Variants in ABR observed in about 807,000 individuals in gnomAD.
ABR encodes the protein ABR activator of RhoGEF and GTPase, also known as active breakpoint cluster region-related protein.
A neutral mutation model predicts 107.2 loss-of-function variants in ABR; 35 were observed. That is an observed-to-expected ratio of 0.33 (90% CI 0.25 to 0.43). The LOEUF is 0.43. ABR is among the 20% of genes least tolerant of loss of function. The probability of loss-of-function intolerance (pLI) is 1.00; values close to 1 mark genes in which losing one functional copy is unlikely to be tolerated. For synonymous variants in ABR, 498 were observed against 462.0 expected (o/e 1.08, Z -1.00); for missense variants, 815 against 1,115.2 (o/e 0.73, Z 3.83).
chr17:1,054,563 AGAACCTGAG>A (rs2033012127), intron 14 of ABR, among the ~76,000 whole-genome samples: 1 of 21,474 alleles, frequency 4.7e-5, no homozygotes, highest in African/African-American at 1.9e-4. Flanking sequence ...GGGGGCACAA[AGAACCTGAG>A]GGGATGGGGG....
chr17:1,109,508 C>A lies in ABR; in HGVS notation c.247-8773G>T, dbSNP rs953617964. ...GCGGGGCCGCGGCTGGCGGAGGCTT[C>A]TGCGGCGGAGGAGGAGCGAGGAGGC... On this transcript the variant is annotated intron_variant, in intron 2 of 22. Transcript: ENST00000302538. Among the ~76,000 whole-genome samples the A allele has an allele frequency of 4.0e-5, 6 of 151,850 alleles. 1 individual carries two copies. Among genetic ancestry groups the A allele is most frequent in the African/African-American group, 1.4e-4 (6 of 41,434 alleles).
intron 16 of ABR, among the ~76,000 whole-genome samples, chr17:1,045,121 G>A (rs16957605): frequency 0.07 from 10,630 of 152,284 alleles, 454 homozygotes; most frequent in Non-Finnish European, 0.098. Context: ...TGGCTGCTTC[G>A]GAGGAGCCGG....
Position 1,067,361 on chromosome 17 carries a change from A to T in ABR, c.1017-119T>A, listed in dbSNP as rs2262155. 100 of 991,130 alleles carry T rather than the reference A, an allele frequency of 1.0e-4. 1 individual carries two copies. In the South Asian group the frequency reaches 1.5e-3, roughly 15 times the overall value. 61.4% of individuals were successfully genotyped at this position (991,130 alleles called of 1,614,324 possible). A position where few individuals can be genotyped will look rare whatever the true frequency, so the allele number is the denominator to read the frequency against. ...GTTGACTGAGAACTCGCCAGAAGCAAGAACGATCCCTGCTCCTGAGGAGCC... is the reference window on the plus strand; with the variant it reads ...GTTGACTGAGAACTCGCCAGAAGCATGAACGATCCCTGCTCCTGAGGAGCC... On this transcript the variant is annotated intron_variant, in intron 9 of 22. Coordinates refer to ENST00000302538, the MANE Select transcript of ABR (RefSeq NM_021962.5).
intron 1 of ABR, among the ~76,000 whole-genome samples, chr17:1,204,959 A>T (rs368958173): frequency 7.8e-5 from 10 of 127,438 alleles, no homozygotes; most frequent in Admixed American, 7.2e-4. Flanking sequence ...GCTGGAGTGC[A>T]AGGGCGTGAT....
At chr17:1,060,149 G>A (rs1412292592) in intron 10 of ABR, among the ~76,000 whole-genome samples, 1 of 152,182 alleles carries the variant, frequency 6.6e-6, no homozygotes, top group Non-Finnish European at 1.5e-5. Context: ...GGTGGCTCAC[G>A]CCTGTAATCC....
At position 1,092,965 on chromosome 17, in the gene ABR, G is replaced by A. The variant is rs943051818; in HGVS notation, c.346-1115C>T. Among the ~76,000 whole-genome samples, 2 of 150,950 alleles carry A rather than the reference G, an allele frequency of 1.3e-5. No individual in the cohort carries two copies. Among genetic ancestry groups the A allele is most frequent in the African/African-American group, 4.8e-5 (2 of 41,272 alleles). ...CTCCCAAGTAACAGGGACTACAGGC[G>A]CCCGCCACCACGCCTGGCTAATTTT... is the stretch of plus-strand genomic sequence containing the variant. On this transcript the variant is annotated intron_variant, in intron 3 of 22. Coordinates refer to ENST00000302538, the MANE Select transcript of ABR (RefSeq NM_021962.5). The surrounding 1 kb of genome is among the most constrained non-coding windows in gnomAD (Gnocchi z 4.6).
chr17:1,006,346 CG>C (rs1045524607), intron 22 of ABR, among the ~76,000 whole-genome samples, 177 bp from the exon 23 acceptor site: 3 of 152,172 alleles, frequency 2.0e-5, no homozygotes, highest in African/African-American at 7.2e-5. Flanking sequence ...GGCAGAGGGT[CG>C]GGGGCCTAGG....
chr17:1,206,779 CT>C (rs1180586109), intron 1 of ABR, among the ~76,000 whole-genome samples: 2 of 151,986 alleles, frequency 1.3e-5, no homozygotes, highest in African/African-American at 4.8e-5. Context: ...GAAACTCCAT[CT>C]CTACAAAAAC....
chr17:1,159,462 A>AG (rs2041186124), intron 1 of ABR, among the ~76,000 whole-genome samples: 1 of 83,486 alleles, frequency 1.2e-5, no homozygotes, highest in Admixed American at 1.3e-4. Context: ...ACACAAGGGA[A>AG]GTAAGAATGC....
At chr17:1,019,058 C>T (rs1323987359) in intron 16 of ABR, among the ~76,000 whole-genome samples, 2 of 152,164 alleles carry the variant, frequency 1.3e-5, no homozygotes, top group African/African-American at 2.4e-5. Flanking sequence ...AAGGCAACAT[C>T]GGGCCTCCTG....
At chr17:1,058,100 C>A in intron 11 of ABR, 55 bp from the exon 12 acceptor site, 1 of 1,307,998 alleles carries the variant, frequency 7.6e-7, no homozygotes, top group South Asian at 1.2e-5. Flanking sequence ...AAAGCGTACT[C>A]CCAGATCCTG....
rs918804206 is a variant in ABR at position 1,179,366 on chromosome 17, G to T, written c.61+301C>A. ...CGGGTTCACAACAGGTGGGAGGGGG[G>T]ACGCAGCTCTCGGCTCGGTCCGCCC... On this transcript the variant is annotated intron_variant, in intron 1 of 22. Coordinates refer to ENST00000302538, the MANE Select transcript of ABR (RefSeq NM_021962.5). The surrounding 1 kb of genome is among the most constrained non-coding windows in gnomAD (Gnocchi z 4.9). Among the ~76,000 whole-genome samples the T allele has an allele frequency of 6.6e-6, 1 of 152,132 alleles. No homozygotes were observed. The highest frequency in any genetic ancestry group is 6.5e-5 in the Admixed American group (1 of 15,282).
At chr17:1,133,633 A>T (rs1017248122) in intron 1 of ABR, among the ~76,000 whole-genome samples, 1 of 152,202 alleles carries the variant, frequency 6.6e-6, no homozygotes, top group Non-Finnish European at 1.5e-5. Context: ...TACAACACAA[A>T]ATCATTAGAG....
intron 1 of ABR, among the ~76,000 whole-genome samples, chr17:1,175,415 A>G (rs373214680): frequency 7.9e-5 from 12 of 152,330 alleles, no homozygotes; most frequent in African/African-American, 2.4e-4. Context: ...CTGTCTCAAA[A>G]AAAAGAGAGC....
rs12603661 is a variant in ABR at position 1,070,891 on chromosome 17, A to G, written c.895-801T>C. ...AATTAAGATGACCGAGGCCGGGCGC[A>G]GTGGTTCACACCTGTCATCCCAGCA... On this transcript the variant is annotated intron_variant, in intron 8 of 22. Transcript: ENST00000302538. The surrounding 1 kb of genome is among the most constrained non-coding windows in gnomAD (Gnocchi z 4.2). 0.18 allele frequency among the ~76,000 whole-genome samples: 28,148 copies of G among 152,166 alleles called. 3,027 individuals are homozygous for G. Among genetic ancestry groups the G allele is most frequent in the South Asian group, 0.25 (1,199 of 4,826 alleles).
Position 1,146,246 on chromosome 17 carries a change from C to T in ABR, c.62-20879G>A, listed in dbSNP as rs146651565. 8.5e-5 allele frequency among the ~76,000 whole-genome samples: 12 copies of T among 140,504 alleles called. No homozygotes were observed. The South Asian group carries it at 9.5e-4, about 11-fold the overall frequency. 92.2% of individuals were successfully genotyped at this position (140,504 alleles called of 152,430 possible). A position where few individuals can be genotyped will look rare whatever the true frequency, so the allele number is the denominator to read the frequency against. On this transcript the variant is annotated intron_variant, in intron 1 of 22. Coordinates refer to ENST00000302538, the MANE Select transcript of ABR (RefSeq NM_021962.5). ...GCTTGTCTCTGCTTGTTTCTATCCA[C>T]GCAGGCACATGGAGACACACACACA... is the stretch of plus-strand genomic sequence containing the variant.
chr17:1,088,066 G>A (rs1169563651), intron 4 of ABR, among the ~76,000 whole-genome samples: 3 of 152,162 alleles, frequency 2.0e-5, no homozygotes, highest in Non-Finnish European at 2.9e-5. Context: ...AACCACCTCC[G>A]GATGCCAGAC....
intron 2 of ABR, among the ~76,000 whole-genome samples, chr17:1,112,768 C>A (rs1468869150): frequency 1.3e-5 from 2 of 152,202 alleles, no homozygotes; most frequent in Non-Finnish European, 2.9e-5. Context: ...AAATCTTTCG[C>A]AGCCACTGAG....
intron 4 of ABR, among the ~76,000 whole-genome samples, chr17:1,090,395 T>G (rs1338549281): frequency 1.3e-3 from 181 of 134,436 alleles, no homozygotes; most frequent in East Asian, 2.8e-3. Flanking sequence ...TAAGGAGAGG[T>G]GGGGGTGGGA....
Sources: allele counts gnomAD v4.1 joint callset (sites outside exome capture counted in the v4.1 genomes callset), GRCh38; gene constraint gnomAD v4.1.1; non-coding constraint Gnocchi (gnomAD v3.1); transcripts MANE v1.5; gene names NCBI Gene and HGNC (gene_info 2026-07-23, HGNC 2026-07-21).